Variants in RPS11 observed in about 807,000 individuals in gnomAD.
RPS11 encodes the protein ribosomal protein S11.
For missense variants in RPS11, 127 were observed against 211.4 expected, an observed-to-expected ratio of 0.60 and a Z score of 2.48; for synonymous variants, 107 against 78.0, an observed-to-expected ratio of 1.37 and a Z score of -1.96.
rs374049469 is a variant in RPS11, at chr19:49,497,902, G to A, written c.224-15G>A. 5 of 1,613,808 alleles carry A rather than the reference G, an allele frequency of 3.1e-6. No homozygotes were observed. In the South Asian group the frequency reaches 3.3e-5, roughly 11 times the overall value. ...TTCCCATGGGACCTGACCTATGATCGGCCCCCGCTCCTAGGCGTGGTGACC... is the reference window on the plus strand; with the variant it reads ...TTCCCATGGGACCTGACCTATGATCAGCCCCCGCTCCTAGGCGTGGTGACC... On this transcript the variant is annotated splice_polypyrimidine_tract_variant and intron_variant, in intron 3 of 4. Coordinates refer to ENST00000270625, the MANE Select transcript of RPS11 (RefSeq NM_001015.5).
chr19:49,497,218 C>A lies in RPS11; in HGVS notation c.40C>A (p.Pro14Thr), dbSNP rs755469463. 1 of 1,614,016 alleles carries A rather than the reference C, an allele frequency of 6.2e-7. No homozygotes were observed. Among genetic ancestry groups the A allele is most frequent in the Non-Finnish European group, 8.5e-7 (1 of 1,180,018 alleles). The change falls in exon 2 of 5, where the codon CCG becomes ACG. Residue 14 changes from proline to threonine, a missense_variant. Transcript: ENST00000270625. ...IQTERAYQKQPTIFQNKKRVL... is the reference protein window; with the variant it reads ...IQTERAYQKQTTIFQNKKRVL... ...GACTGAGCGTGCCTACCAAAAGCAG[C>A]CGACCATCTTTCAAAACAAGAAGAG...
chr19:49,497,139 T>G, intron 1 of RPS11, 55 bp from the exon 2 acceptor site: 1 of 1,605,306 alleles, frequency 6.2e-7, no homozygotes, highest in Non-Finnish European at 8.5e-7. Flanking sequence ...CTAGGGCTGG[T>G]TGGCTGCCGG....
rs1160589601 is a variant in RPS11 at position 49,497,205 on chromosome 19, C to T, written c.27C>T (p.Ala9=). ...CTCATAATCTGTAGACTGAGCGTGCCTACCAAAAGCAGCCGACCATCTTTC... is the reference window on the plus strand; with the variant it reads ...CTCATAATCTGTAGACTGAGCGTGCTTACCAAAAGCAGCCGACCATCTTTC... The part of the protein sequence containing the change: MADIQTER[A]YQKQPTIFQN... The change falls in exon 2 of 5, where the codon GCC becomes GCT. Residue 9 remains alanine (A), a synonymous_variant. Coordinates refer to ENST00000270625, the MANE Select transcript of RPS11 (RefSeq NM_001015.5). 5 of 1,613,910 alleles carry T rather than the reference C, an allele frequency of 3.1e-6. No individual in the cohort carries two copies. The highest frequency in any genetic ancestry group is 4.2e-6 in the Non-Finnish European group (5 of 1,180,010).
chr19:49,498,295 G>C (rs1349030767), intron 4 of RPS11: 2 of 512,100 alleles, frequency 3.9e-6, no homozygotes, highest in Non-Finnish European at 7.1e-6. Flanking sequence ...GATGTTTTGG[G>C]GATGTGACAT....
At position 49,497,224 on chromosome 19, in the gene RPS11, A is replaced by G. The variant is rs1441715554; in HGVS notation, c.46A>G (p.Ile16Val). The change falls in exon 2 of 5, where the codon ATC becomes GTC. Residue 16 changes from isoleucine (I) to valine (V), a missense_variant. Transcript: ENST00000270625. ...TERAYQKQPTIFQNKKRVLLG... is the reference protein window; with the variant it reads ...TERAYQKQPTVFQNKKRVLLG... ...GCGTGCCTACCAAAAGCAGCCGACC[A>G]TCTTTCAAAACAAGAAGAGGGTCCT... 5 of 1,614,006 alleles carry G rather than the reference A, an allele frequency of 3.1e-6. No homozygotes were observed. In the East Asian group the frequency reaches 6.7e-5, roughly 22 times the overall value.
chr19:49,498,245 C>T (rs752738832), intron 4 of RPS11, 199 bp downstream of exon 4: 1 of 600,382 alleles, frequency 1.7e-6, no homozygotes, highest in Non-Finnish European at 2.9e-6. Context: ...ACCTGAAATG[C>T]TTGGAACCAG....
intron 1 of RPS11, among the ~76,000 whole-genome samples, chr19:49,496,895 G>T (rs1398184460): frequency 6.6e-6 from 1 of 152,056 alleles, no homozygotes; most frequent in Non-Finnish European, 1.5e-5. Flanking sequence ...CTCGCTGAAA[G>T]GTGTCCAGGG....
chr19:49,498,728 C>T (rs1320841441), intron 4 of RPS11, among the ~76,000 whole-genome samples: 1 of 152,066 alleles, frequency 6.6e-6, no homozygotes, highest in African/African-American at 2.4e-5. Flanking sequence ...CCGGCCTGGG[C>T]GACAGAGTAA....
rs191456735 is a variant in RPS11 at position 49,497,078 on chromosome 19, G to T, written c.16-116G>T. On this transcript the variant is annotated intron_variant, in intron 1 of 4. Transcript: ENST00000270625. ...GGGGCACCAGGCCTTGGACGCCGGC[G>T]CTTTGCAAGTAAATGTAGAGCATGG... The T allele has an allele frequency of 2.1e-5, 27 of 1,268,128 alleles. No homozygotes were observed. The African/African-American group carries it at 3.3e-4, about 16-fold the overall frequency. The allele number at this position is 1,268,128 out of a possible 1,614,324, so 78.6% of individuals were successfully genotyped here. A position where few individuals can be genotyped will look rare whatever the true frequency, so the allele number is the denominator to read the frequency against.
At chr19:49,497,131 A>C (rs1282859342) in intron 1 of RPS11, 63 bp from the exon 2 acceptor site, 12 of 1,600,290 alleles carry the variant, frequency 7.5e-6, no homozygotes, top group South Asian at 3.3e-5. Flanking sequence ...GAAGGTCTCT[A>C]GGGCTGGTTG....
Position 49,497,277 on chromosome 19 carries a change from C to T in RPS11, c.99C>T (p.Leu33=), listed in dbSNP as rs1420293621. Residue 33 remains leucine, a synonymous_variant, in exon 2 of 5, where the codon CTC becomes CTT. Coordinates refer to ENST00000270625, the MANE Select transcript of RPS11 (RefSeq NM_001015.5). ...TGGGAGAAACTGGCAAGGAGAAGCT[C>T]CCGCGGTACTACAAGAACATCGGTC... is the stretch of plus-strand genomic sequence containing the variant. ...VLLGETGKEK[L]PRYYKNIGLG... is the part of the protein sequence containing the mutation. 1.2e-6 allele frequency: 2 copies of T among 1,614,148 alleles called. No individual in the cohort carries two copies. Among genetic ancestry groups the T allele is most frequent in the Non-Finnish European group, 1.7e-6 (2 of 1,180,034 alleles).
intron 3 of RPS11, 72 bp from the exon 4 acceptor site, chr19:49,497,844 TC>T: frequency 6.3e-7 from 1 of 1,595,086 alleles, no homozygotes; most frequent in Non-Finnish European, 8.6e-7. Flanking sequence ...TGCTTCTGAG[TC>T]CCAGCATGCC....
chr19:49,498,568 A>G (rs1441627160), intron 4 of RPS11, among the ~76,000 whole-genome samples: 1 of 152,276 alleles, frequency 6.6e-6, no homozygotes, highest in Non-Finnish European at 1.5e-5. Context: ...CCTGGGCAAC[A>G]TGGCAAAACC....
chr19:49,496,754 G>C (rs1030558195), intron 1 of RPS11, among the ~76,000 whole-genome samples: 1 of 152,024 alleles, frequency 6.6e-6, no homozygotes, highest in African/African-American at 2.4e-5. Context: ...GGTCTTCAGG[G>C]GTAATTCTGT....
chr19:49,496,603 A>T (rs574755634), intron 1 of RPS11, 132 bp downstream of exon 1: 1 of 973,972 alleles, frequency 1.0e-6, no homozygotes, highest in African/African-American at 1.7e-5. Flanking sequence ...CTAGAGATTA[A>T]CTGGAGTGGA....
At chr19:49,497,094 T>TAGAG in intron 1 of RPS11, 100 bp from the exon 2 acceptor site, 1 of 1,417,480 alleles carries the variant, frequency 7.1e-7, no homozygotes, top group Non-Finnish European at 9.6e-7. Context: ...CAAGTAAATG[T>TAGAG]AGAGCATGGG....
chr19:49,499,424 G>A (rs1383464785), intron 4 of RPS11, 88 bp from the exon 5 acceptor site: 2 of 1,442,636 alleles, frequency 1.4e-6, no homozygotes, highest in South Asian at 1.2e-5. Flanking sequence ...GAAGCAGAGA[G>A]CCTTTAGCCT....
intron 2 of RPS11, 68 bp downstream of exon 2, chr19:49,497,393 C>T: frequency 2.5e-6 from 4 of 1,607,196 alleles, no homozygotes; most frequent in Non-Finnish European, 2.6e-6. Flanking sequence ...GACGAGTTGC[C>T]CTGCCTGCAT....
intron 4 of RPS11, 149 bp from the exon 5 acceptor site, chr19:49,499,363 A>G (rs1484573231): frequency 2.5e-6 from 2 of 785,784 alleles, no homozygotes; most frequent in Non-Finnish European, 4.1e-6. Context: ...GTACGAAAGG[A>G]GGGGACAGGT....
Sources: gnomAD v4.1 joint callset for allele counts (sites outside exome capture counted in the v4.1 genomes callset) on GRCh38, gnomAD v4.1.1 for gene constraint, MANE v1.5 for transcripts, NCBI Gene and HGNC (gene_info 2026-07-23, HGNC 2026-07-21) for gene names.